GRIN2B: variants seen among roughly 807,000 people sequenced by gnomAD.
The protein encoded by GRIN2B is glutamate receptor ionotropic, NMDA 2B.
A neutral mutation model predicts 114.5 loss-of-function variants in GRIN2B; 5 were observed. The observed-to-expected ratio is 0.04, with a 90% CI of 0.02 to 0.09. GRIN2B has a LOEUF of 0.09. Among genes scored for constraint, GRIN2B ranks in the 10% least tolerant of loss-of-function variants. The probability of loss-of-function intolerance (pLI) is 1.00; values close to 1 mark genes in which losing one functional copy is unlikely to be tolerated. For missense variants in GRIN2B, 1,108 were observed against 1,943.5 expected, an observed-to-expected ratio of 0.57 and a Z score of 8.08; for synonymous variants, 787 against 745.1, an observed-to-expected ratio of 1.06 and a Z score of -0.92.
At chr12:13,899,883 TG>T (rs1866413968) in intron 2 of GRIN2B, among the ~76,000 whole-genome samples, 1 of 106,024 alleles carries the variant, frequency 9.4e-6, no homozygotes. Flanking sequence ...TTTGAGTCTA[TG>T]ATGATCTCAC....
chr12:13,590,275 G>A (rs755494422), intron 10 of GRIN2B, among the ~76,000 whole-genome samples: 10 of 152,008 alleles, frequency 6.6e-5, no homozygotes, highest in Non-Finnish European at 1.2e-4. Flanking sequence ...AGAACGTGCA[G>A]GTTTGTTACA....
chr12:13,615,732 C>A lies in GRIN2B; in HGVS notation c.1329-68G>T. ...TTGTACAAAAAGCCAACATTTATTA[C>A]CCTTTGCCATTAAAAAACCTCCAAT... On this transcript the variant is annotated intron_variant, in intron 6 of 13. Transcript: ENST00000609686. The surrounding 1 kb of genome is among the most constrained non-coding windows in gnomAD (Gnocchi z 5.8). 7.3e-7 allele frequency: 1 copy of A among 1,377,560 alleles called. No homozygotes were observed. Among genetic ancestry groups the A allele is most frequent in the Non-Finnish European group, 1.0e-6 (1 of 965,180 alleles). 85.3% of individuals were successfully genotyped at this position (1,377,560 alleles called of 1,614,324 possible).
chr12:13,970,835 C>T (rs1862899512), intron 2 of GRIN2B, among the ~76,000 whole-genome samples: 1 of 152,068 alleles, frequency 6.6e-6, no homozygotes, highest in South Asian at 2.1e-4. Context: ...TTCTGCAGTC[C>T]TTCTTCCTAT....
intron 2 of GRIN2B, among the ~76,000 whole-genome samples, chr12:13,979,345 C>T (rs547961964): frequency 6.6e-6 from 1 of 152,066 alleles, no homozygotes; most frequent in South Asian, 2.1e-4. Flanking sequence ...TGCAATAGGC[C>T]TCCCGGGATC....
chr12:13,946,912 T>C (rs912902917), intron 2 of GRIN2B, among the ~76,000 whole-genome samples: 4 of 152,198 alleles, frequency 2.6e-5, no homozygotes, highest in African/African-American at 9.6e-5. Context: ...AATTATCCCT[T>C]TATGTGACCC....
intron 3 of GRIN2B, among the ~76,000 whole-genome samples, chr12:13,761,219 C>T (rs936403717): frequency 2.0e-5 from 3 of 152,188 alleles, no homozygotes; most frequent in African/African-American, 7.2e-5. Flanking sequence ...TCCGCAGAAG[C>T]CAGCATTCTT....
chr12:13,807,679 A>G (rs1864629915), intron 3 of GRIN2B, among the ~76,000 whole-genome samples: 2 of 138,220 alleles, frequency 1.4e-5, no homozygotes, highest in African/African-American at 2.7e-5. Context: ...GTTTCAGAAT[A>G]TTACAAGCAG....
chr12:13,576,660 C>G (rs1365575845), intron 10 of GRIN2B, among the ~76,000 whole-genome samples: 6 of 151,994 alleles, frequency 3.9e-5, no homozygotes, highest in Admixed American at 6.5e-5. Context: ...TCAGGTGATC[C>G]TCCCACTTCA....
intron 2 of GRIN2B, among the ~76,000 whole-genome samples, chr12:13,969,902 G>C (rs1867847244): frequency 6.6e-6 from 1 of 152,212 alleles, no homozygotes; most frequent in African/African-American, 2.4e-5. Context: ...GTCCAGGCTG[G>C]AGTGCAGTGG....
intron 4 of GRIN2B, among the ~76,000 whole-genome samples, chr12:13,746,855 A>G (rs1047844269): frequency 6.6e-6 from 1 of 151,898 alleles, no homozygotes; most frequent in Non-Finnish European, 1.5e-5. Context: ...TTTCTCTCTC[A>G]CCATGTGACA....
chr12:13,572,150 A>G (rs1276540959), intron 10 of GRIN2B, among the ~76,000 whole-genome samples, 186 bp from the exon 11 acceptor site: 1 of 152,236 alleles, frequency 6.6e-6, no homozygotes, highest in African/African-American at 2.4e-5. Flanking sequence ...GCTATCTGAA[A>G]GCAGACTTCA....
intron 3 of GRIN2B, among the ~76,000 whole-genome samples, chr12:13,846,869 A>G (rs1327094802): frequency 6.6e-6 from 1 of 152,166 alleles, no homozygotes; most frequent in Non-Finnish European, 1.5e-5. Context: ...GATTCCTAGG[A>G]ACATTGGTAA....
chr12:13,821,307 G>A (rs117407662), intron 3 of GRIN2B, among the ~76,000 whole-genome samples: 2,341 of 152,212 alleles, frequency 0.015, 22 homozygotes, highest in Middle Eastern at 0.024. Context: ...AGTAAAGGTG[G>A]ATCCCAGGAC....
At chr12:13,647,154 GC>G (rs2136512951) in intron 5 of GRIN2B, among the ~76,000 whole-genome samples, 1 of 152,212 alleles carries the variant, frequency 6.6e-6, no homozygotes, top group African/African-American at 2.4e-5. Context: ...TTAAAGACAT[GC>G]CTGGAGTCTT....
intron 5 of GRIN2B, among the ~76,000 whole-genome samples, chr12:13,616,959 A>G (rs1016267405): frequency 6.6e-6 from 1 of 152,226 alleles, no homozygotes; most frequent in African/African-American, 2.4e-5. Context: ...TCTATCCTTC[A>G]TGAAGCTCAC....
chr12:13,817,216 C>T (rs1429288879), intron 3 of GRIN2B, among the ~76,000 whole-genome samples: 1 of 152,128 alleles, frequency 6.6e-6, no homozygotes, highest in Non-Finnish European at 1.5e-5. Flanking sequence ...GCTTTGTAGC[C>T]CTCGTGCCTC....
chr12:13,716,461 T>C (rs1950456649), intron 4 of GRIN2B, among the ~76,000 whole-genome samples: 2 of 151,874 alleles, frequency 1.3e-5, no homozygotes, highest in Admixed American at 6.6e-5. Context: ...TGGCACCTTA[T>C]ACAGGGTATT....
intron 2 of GRIN2B, among the ~76,000 whole-genome samples, chr12:13,935,243 T>C (rs565802121): frequency 6.6e-6 from 1 of 152,316 alleles, no homozygotes; most frequent in Admixed American, 6.5e-5. Flanking sequence ...GCCCTCTGTA[T>C]CATACAAATC....
chr12:13,566,336 T>C (rs1403655066), intron 13 of GRIN2B, among the ~76,000 whole-genome samples: 1 of 152,194 alleles, frequency 6.6e-6, no homozygotes, highest in Non-Finnish European at 1.5e-5. Context: ...CTCCACTTTA[T>C]TAACAAAACC....
Sources: gnomAD v4.1 joint callset for allele counts (sites outside exome capture counted in the v4.1 genomes callset) on GRCh38, gnomAD v4.1.1 for gene constraint, Gnocchi (gnomAD v3.1) non-coding constraint, MANE v1.5 for transcripts, NCBI Gene and HGNC (gene_info 2026-07-23, HGNC 2026-07-21) for gene names.